SLC9A9: variants seen among roughly 807,000 people sequenced by gnomAD.
SLC9A9 encodes solute carrier family 9 member A9.
SLC9A9 carries 62 observed loss-of-function variants against 77.8 expected under a neutral mutation model. The observed-to-expected ratio is 0.80, with a 90% CI of 0.65 to 0.98. The LOEUF (loss-of-function observed/expected upper bound fraction) is 0.98, where lower values mean the gene tolerates loss of function less well. Ranked by LOEUF, SLC9A9 falls within the 50% of genes least tolerant of loss-of-function variation. SLC9A9 has a pLI of 0.00. For missense variants in SLC9A9, 775 were observed against 774.9 expected (o/e 1.00, Z 0.00); for synonymous variants, 320 against 283.5 (o/e 1.13, Z -1.29).
rs144862922 is a variant in SLC9A9, at chr3:143,664,013, C to T, written c.650-11653G>A. On this transcript the variant is annotated intron_variant, in intron 5 of 15. Transcript: ENST00000316549. Reference sequence around the variant, plus strand: ...AGATACTCCTTGAGAAGACCAACCCCGAGACACGTAATTGTCAGATTCACC... The same window carrying T: ...AGATACTCCTTGAGAAGACCAACCCTGAGACACGTAATTGTCAGATTCACC... Among the ~76,000 whole-genome samples the T allele has an allele frequency of 9.2e-5, 14 of 152,112 alleles. No homozygotes were observed. In the East Asian group the frequency reaches 9.7e-4, roughly 11 times the overall value.
At position 143,428,877 on chromosome 3, in the gene SLC9A9, TAG is replaced by T. The variant is rs534028970; in HGVS notation, c.1469+38158_1469+38159del. Among the ~76,000 whole-genome samples, 1,194 of 152,046 alleles carry T rather than the reference TAG, an allele frequency of 7.9e-3. 5 individuals are homozygous for T. The highest frequency in any genetic ancestry group is 0.014 in the Non-Finnish European group (922 of 67,976). On this transcript the variant is annotated intron_variant, in intron 12 of 15. Coordinates refer to ENST00000316549, the MANE Select transcript of SLC9A9 (RefSeq NM_173653.4). ...GTCCAAACAGTTGATTTCCTACAGG[TAG>T]AGAGTAGAATAGTGTCCACCAGAGG...
chr3:143,812,000 T>A (rs566529870), intron 2 of SLC9A9, among the ~76,000 whole-genome samples: 2 of 151,996 alleles, frequency 1.3e-5, no homozygotes, highest in African/African-American at 4.8e-5. Flanking sequence ...ATAGACAACG[T>A]TGGGTTCCTA....
intron 14 of SLC9A9, among the ~76,000 whole-genome samples, chr3:143,346,315 A>T (rs1020831413): frequency 6.6e-6 from 1 of 152,316 alleles, no homozygotes; most frequent in South Asian, 2.1e-4. Context: ...ACTTTACTCA[A>T]ATGGAAACCT....
chr3:143,741,589 A>G (rs1474536392), intron 4 of SLC9A9, among the ~76,000 whole-genome samples: 3 of 152,180 alleles, frequency 2.0e-5, no homozygotes, highest in African/African-American at 4.8e-5. Context: ...ACTTCCTTAC[A>G]AAGAGTACAC....
At chr3:143,626,209 G>T (rs374752812) in intron 6 of SLC9A9, among the ~76,000 whole-genome samples, 1 of 152,216 alleles carries the variant, frequency 6.6e-6, no homozygotes, top group Non-Finnish European at 1.5e-5. Flanking sequence ...TCAGTGTGGC[G>T]ATTCCTCAGG....
intron 8 of SLC9A9, among the ~76,000 whole-genome samples, chr3:143,563,198 A>G (rs973224885): frequency 3.9e-5 from 6 of 152,190 alleles, no homozygotes; most frequent in African/African-American, 1.4e-4. Context: ...GAGGAGATCT[A>G]TGCTTCTTGG....
intron 3 of SLC9A9, among the ~76,000 whole-genome samples, chr3:143,795,281 G>GAAAAAA (rs776525691): frequency 5.8e-4 from 42 of 72,134 alleles, no homozygotes; most frequent in African/African-American, 2.0e-3. Context: ...TCAAGAAGCA[G>GAAAAAA]AAAAAAAAAA....
intron 4 of SLC9A9, among the ~76,000 whole-genome samples, chr3:143,719,225 T>A (rs374463762): frequency 4.6e-5 from 7 of 152,324 alleles, no homozygotes; most frequent in African/African-American, 1.7e-4. Flanking sequence ...TGCCATCTTA[T>A]AGTCTACAAA....
intron 14 of SLC9A9, among the ~76,000 whole-genome samples, chr3:143,275,685 C>T (rs7641461): frequency 0.21 from 31,280 of 151,736 alleles, 7,027 homozygotes; most frequent in African/African-American, 0.56. Context: ...CTAATTCTTT[C>T]ATGTCTTGTA....
At chr3:143,400,451 C>T (rs777549325) in intron 12 of SLC9A9, among the ~76,000 whole-genome samples, 16 of 151,996 alleles carry the variant, frequency 1.1e-4, no homozygotes, top group Non-Finnish European at 2.1e-4. Context: ...AACCAAACGT[C>T]GTATGTTCTC....
intron 12 of SLC9A9, among the ~76,000 whole-genome samples, chr3:143,441,352 G>A (rs1271386103): frequency 2.6e-5 from 4 of 152,132 alleles, no homozygotes. Context: ...CAGGGAGGGT[G>A]GGAAGTGTAC....
At chr3:143,683,744 T>C (rs1008366690) in intron 5 of SLC9A9, among the ~76,000 whole-genome samples, 6 of 152,124 alleles carry the variant, frequency 3.9e-5, no homozygotes, top group African/African-American at 1.4e-4. Context: ...TAAGAATAGA[T>C]GTCAAAGTAT....
chr3:143,517,675 G>A, intron 9 of SLC9A9: 1 of 1,597,510 alleles, frequency 6.3e-7, no homozygotes, highest in South Asian at 1.1e-5. Context: ...CCCGCCACTT[G>A]TAAGGCTGAG....
chr3:143,807,175 G>A (rs1219378042), intron 2 of SLC9A9, among the ~76,000 whole-genome samples: 1 of 152,182 alleles, frequency 6.6e-6, no homozygotes, highest in Non-Finnish European at 1.5e-5. Flanking sequence ...TGGGCACAGT[G>A]GCTCATGCCT....
intron 8 of SLC9A9, among the ~76,000 whole-genome samples, chr3:143,571,695 A>G (rs2037260795): frequency 6.6e-6 from 1 of 152,218 alleles, no homozygotes; most frequent in Non-Finnish European, 1.5e-5. Flanking sequence ...TTTGACTGCC[A>G]GAAAGCTCAG....
intron 12 of SLC9A9, among the ~76,000 whole-genome samples, chr3:143,397,154 T>C (rs942955757): frequency 1.3e-5 from 2 of 152,206 alleles, no homozygotes; most frequent in Non-Finnish European, 2.9e-5. Context: ...CTGATTTCTT[T>C]TGACCTAAGC....
intron 6 of SLC9A9, among the ~76,000 whole-genome samples, chr3:143,606,736 A>T (rs1382950934): frequency 1.3e-5 from 2 of 151,946 alleles, no homozygotes; most frequent in Non-Finnish European, 2.9e-5. Context: ...TTAGAACAGG[A>T]TCTGAGGGAA....
chr3:143,403,695 G>T (rs1473296197), intron 12 of SLC9A9, among the ~76,000 whole-genome samples: 1 of 152,146 alleles, frequency 6.6e-6, no homozygotes, highest in Non-Finnish European at 1.5e-5. Context: ...TAAGAAGTCA[G>T]ATATTCCTAT....
intron 5 of SLC9A9, among the ~76,000 whole-genome samples, chr3:143,674,901 G>T (rs61411222): frequency 1.3e-5 from 2 of 152,214 alleles, no homozygotes; most frequent in African/African-American, 4.8e-5. Context: ...CATTTACTCA[G>T]AAAAGCAAAT....
Sources: allele counts gnomAD v4.1 joint callset (sites outside exome capture counted in the v4.1 genomes callset), GRCh38; gene constraint gnomAD v4.1.1; transcripts MANE v1.5; gene names NCBI Gene and HGNC (gene_info 2026-07-23, HGNC 2026-07-21).